Variants in DIABLO observed in about 807,000 individuals in gnomAD.
DIABLO encodes diablo homolog, mitochondrial.
A neutral mutation model predicts 31.7 loss-of-function variants in DIABLO; 32 were observed. The observed-to-expected ratio is 1.01, with a 90% CI of 0.76 to 1.35. The LOEUF (loss-of-function observed/expected upper bound fraction) is 1.35. Among genes scored for constraint, DIABLO ranks in the 40% most tolerant of loss-of-function variants. The pLI, the probability that DIABLO is intolerant of heterozygous loss-of-function variation, is 0.00. For missense variants in DIABLO, 316 were observed against 286.4 expected (o/e 1.10, Z -0.75); for synonymous variants, 132 against 103.2 (o/e 1.28, Z -1.69).
upstream of DIABLO, chr12:122,227,316 G>GTGTC: frequency 2.2e-6 from 1 of 449,402 alleles, no homozygotes; most frequent in Non-Finnish European, 4.5e-6. Context: ...ACTCCCCACA[G>GTGTC]TGTCAGGCAC....
chr12:122,225,632 C>T (rs1954444700), intron 1 of DIABLO: 7 of 1,293,650 alleles, frequency 5.4e-6, no homozygotes, highest in Non-Finnish European at 6.9e-6. Flanking sequence ...GGACTCCCCC[C>T]ATGCCGTGTC....
At chr12:122,226,547 G>A (rs1336100251), upstream of DIABLO, 1 of 698,564 alleles carries the variant, frequency 1.4e-6, no homozygotes, top group Non-Finnish European at 2.6e-6. Flanking sequence ...GCACGTGGAC[G>A]GTGGACGAGG....
chr12:122,226,222 C>G (rs1566031304), upstream of DIABLO: 1 of 821,650 alleles, frequency 1.2e-6, no homozygotes, highest in Non-Finnish European at 2.0e-6. Flanking sequence ...ACCGCCGGAA[C>G]TTCCGCGCGG....
upstream of DIABLO, chr12:122,226,744 C>CCTT (rs887922644): frequency 2.8e-5 from 16 of 566,878 alleles, no homozygotes; most frequent in African/African-American, 3.2e-4. Flanking sequence ...ACTGGAGAAT[C>CCTT]CTTCTCAACC....
intron 1 of DIABLO, 94 bp downstream of exon 1, chr12:122,225,871 C>T: frequency 1.9e-5 from 29 of 1,541,488 alleles, no homozygotes; most frequent in Non-Finnish European, 2.5e-5. Flanking sequence ...GAGATGAGCG[C>T]GTAAGGAAGG....
intron 5 of DIABLO, chr12:122,208,958 T>A: frequency 5.5e-6 from 2 of 362,954 alleles, no homozygotes; most frequent in South Asian, 4.3e-5. Context: ...TTTCATCACC[T>A]TGACTAATCT....
At position 122,207,848 on chromosome 12, in the gene DIABLO, G is replaced by C. The variant is rs1953961431; in HGVS notation, c.*533C>G. 3 of 460,840 alleles carry C rather than the reference G, an allele frequency of 6.5e-6. No homozygotes were observed. In the Admixed American group the frequency reaches 7.0e-5, roughly 11 times the overall value. The allele number at this position is 460,840 out of a possible 1,614,324, so 28.5% of individuals were successfully genotyped here. A position where few individuals can be genotyped will look rare whatever the true frequency, so the allele number is the denominator to read the frequency against. ...TGCACCCCTTCTCTTAGTAGTAATAGGTTTTTCACTCCTTGGCCTCAGCTG... is the reference window on the plus strand; with the variant it reads ...TGCACCCCTTCTCTTAGTAGTAATACGTTTTTCACTCCTTGGCCTCAGCTG... On this transcript the variant is annotated 3_prime_UTR_variant, in exon 6 of 6. Coordinates refer to ENST00000464942, the MANE Select transcript of DIABLO (RefSeq NM_001371333.1).
rs1361713467 is a variant in DIABLO, at chr12:122,216,559, A to C, written c.452T>G (p.Leu151Trp). The change falls in exon 5 of 6, where the codon TTG becomes TGG. Residue 151 changes from leucine (L) to tryptophan (W), a missense_variant. Leu to Trp is a moderately conservative substitution (Grantham distance 61, BLOSUM62 -2). Coordinates refer to ENST00000464942, the MANE Select transcript of DIABLO (RefSeq NM_001371333.1). ...AGTCATCCAAGTGGTTTCCAGCTTCAAGTACTCTTGGTGTTTTGAAGTCAT... is the reference window on the plus strand; with the variant it reads ...AGTCATCCAAGTGGTTTCCAGCTTCCAGTACTCTTGGTGTTTTGAAGTCAT... The part of the protein sequence containing the change: ...AEMTSKHQEY[L>W]KLETTWMTAV... 1 of 1,614,216 alleles carries C rather than the reference A, an allele frequency of 6.2e-7. No individual in the cohort carries two copies. Among genetic ancestry groups the C allele is most frequent in the Admixed American group, 1.7e-5 (1 of 60,034 alleles).
intron 5 of DIABLO, 34 bp from the exon 6 acceptor site, chr12:122,208,611 CGT>C: frequency 1.2e-6 from 2 of 1,603,552 alleles, no homozygotes; most frequent in Non-Finnish European, 1.7e-6. Context: ...GTTGAGCAGC[CGT>C]GCAGGGCGCG....
chr12:122,218,957 G>A (rs551712148), intron 2 of DIABLO, among the ~76,000 whole-genome samples: 4 of 139,194 alleles, frequency 2.9e-5, no homozygotes, highest in South Asian at 2.3e-4. Context: ...AAAAAGTGCC[G>A]GGCACGGTGG....
chr12:122,208,437 C>G lies in DIABLO; in HGVS notation c.664G>C (p.Glu222Gln), dbSNP rs1203281941. Residue 222 changes from glutamate (E) to glutamine (Q), a missense_variant, in exon 6 of 6, where the codon GAG becomes CAG. Glu to Gln is a conservative substitution (Grantham distance 29). Transcript: ENST00000464942. ...GACTCAGCCCGCTCCTCCCCTTCCT[C>G]CTGTGTTTTCTGACGGAGCTCTTCT... is the stretch of plus-strand genomic sequence containing the variant. ...QIEELRQKTQ[E>Q]EGEERAESEQ... 2.5e-6 allele frequency: 4 copies of G among 1,614,018 alleles called. No individual in the cohort carries two copies. Among genetic ancestry groups the G allele is most frequent in the Non-Finnish European group, 3.4e-6 (4 of 1,180,028 alleles).
At chr12:122,213,431 A>G (rs1474924503) in intron 5 of DIABLO, among the ~76,000 whole-genome samples, 1 of 150,606 alleles carries the variant, frequency 6.6e-6, no homozygotes, top group African/African-American at 2.5e-5. Context: ...CCCAGAGGCT[A>G]AGGCTGTAGT....
chr12:122,225,828 G>C, intron 1 of DIABLO, 137 bp downstream of exon 1: 2 of 1,511,396 alleles, frequency 1.3e-6, no homozygotes, highest in South Asian at 1.2e-5. Context: ...CTCCCGACCG[G>C]AGCGAGACGC....
At chr12:122,218,648 A>G (rs1954268045) in intron 2 of DIABLO, 4 of 477,964 alleles carry the variant, frequency 8.4e-6, no homozygotes, top group Non-Finnish European at 1.5e-5. Context: ...CTTTACATAT[A>G]AAATAAATTG....
chr12:122,211,177 A>C (rs1593168969), intron 5 of DIABLO, among the ~76,000 whole-genome samples: 1 of 143,710 alleles, frequency 7.0e-6, no homozygotes. Flanking sequence ...AGGCAGGTGG[A>C]CTGCCTTAGC....
Position 122,217,100 on chromosome 12 carries a change from AAG to A in DIABLO, c.316-233_316-232del. ...AGCTTGTCAGCAATTCAGACACAGA[AAG>A]AGAAAACAATGCAAGGGAAAACTTT... On this transcript the variant is annotated intron_variant, in intron 3 of 5. Transcript: ENST00000464942. The A allele has an allele frequency of 1.2e-5, 6 of 486,232 alleles. 1 individual carries two copies. Among genetic ancestry groups the A allele is most frequent in the South Asian group, 1.1e-4 (5 of 47,064 alleles). 30.1% of individuals were successfully genotyped at this position (486,232 alleles called of 1,614,324 possible). A position where few individuals can be genotyped will look rare whatever the true frequency, so the allele number is the denominator to read the frequency against.
In DIABLO at chr12:122,218,365, T is replaced by A. The variant is rs1338254420; in HGVS notation, c.216A>T (p.Ala72=). The change falls in exon 3 of 6, where the codon GCA becomes GCT. Residue 72 remains alanine (A), a synonymous_variant. Coordinates refer to ENST00000464942, the MANE Select transcript of DIABLO (RefSeq NM_001371333.1). ...CCAAAGACACTGCTCTCCTCATCAA[T>A]GCTTCACTACTAAGGGAATGAGGCT... The part of the protein sequence containing the change: ...KSEPHSLSSE[A]LMRRAVSLVT... 1 of 1,614,168 alleles carries A rather than the reference T, an allele frequency of 6.2e-7. No homozygotes were observed. Among genetic ancestry groups the A allele is most frequent in the South Asian group, 1.1e-5 (1 of 91,088 alleles).
chr12:122,208,780 A>G (rs1357482174), intron 5 of DIABLO: 3 of 680,774 alleles, frequency 4.4e-6, no homozygotes, highest in South Asian at 3.0e-5. Flanking sequence ...CAAAAACAGC[A>G]TTTTTCTTCA....
At chr12:122,223,599 C>A (rs568216189) in intron 2 of DIABLO, among the ~76,000 whole-genome samples, 1 of 152,298 alleles carries the variant, frequency 6.6e-6, no homozygotes, top group African/African-American at 2.4e-5. Context: ...TAGCTCCATG[C>A]TCCTCAGACA....
Sources: gnomAD v4.1 joint callset for allele counts (sites outside exome capture counted in the v4.1 genomes callset) on GRCh38, gnomAD v4.1.1 for gene constraint, MANE v1.5 for transcripts, NCBI Gene and HGNC (gene_info 2026-07-23, HGNC 2026-07-21) for gene names.